NKAIN2: variants seen among roughly 807,000 people sequenced by gnomAD.
NKAIN2 encodes sodium/potassium-transporting ATPase subunit beta-1-interacting protein 2.
A neutral mutation model predicts 32.6 loss-of-function variants in NKAIN2; 14 were observed. The observed-to-expected ratio is 0.43, with a 90% CI of 0.28 to 0.67. The LOEUF (loss-of-function observed/expected upper bound fraction) is 0.67. Ranked by LOEUF, NKAIN2 falls within the 30% of genes least tolerant of loss-of-function variation. The pLI, the probability that NKAIN2 is intolerant of heterozygous loss-of-function variation, is 0.17. For synonymous variants in NKAIN2, 80 were observed against 87.2 expected, an observed-to-expected ratio of 0.92 and a Z score of 0.46; for missense variants, 198 against 258.3, an observed-to-expected ratio of 0.77 and a Z score of 1.60.
chr6:123,856,070 T>C (rs1775543750), intron 1 of NKAIN2, among the ~76,000 whole-genome samples: 1 of 152,238 alleles, frequency 6.6e-6, no homozygotes, highest in African/African-American at 2.4e-5. Flanking sequence ...GCCTATATCC[T>C]TGATTTCTTT....
At chr6:124,133,750 A>T (rs887360639) in intron 1 of NKAIN2, among the ~76,000 whole-genome samples, 1 of 152,078 alleles carries the variant, frequency 6.6e-6, no homozygotes, top group African/African-American at 2.4e-5. Flanking sequence ...AGCACAGAAG[A>T]CTCTATAACT....
intron 1 of NKAIN2, among the ~76,000 whole-genome samples, chr6:124,061,331 TA>T (rs959575548): frequency 3.3e-5 from 5 of 152,288 alleles, no homozygotes; most frequent in African/African-American, 1.2e-4. Flanking sequence ...TGTTATTATA[TA>T]ATCTTTTTTA....
intron 1 of NKAIN2, among the ~76,000 whole-genome samples, chr6:123,924,992 T>A (rs1216169955): frequency 6.6e-6 from 1 of 152,112 alleles, no homozygotes. Context: ...ATTTTATAAT[T>A]GAAAAAATAT....
Position 124,730,004 on chromosome 6 carries a change from C to G in NKAIN2, c.475-61335C>G, listed in dbSNP as rs1265937234. 4.5e-4 allele frequency among the ~76,000 whole-genome samples: 64 copies of G among 140,890 alleles called. 1 individual carries two copies. The East Asian group carries it at 8.8e-3, about 19-fold the overall frequency. 92.4% of individuals were successfully genotyped at this position (140,890 alleles called of 152,430 possible). A position where few individuals can be genotyped will look rare whatever the true frequency, so the allele number is the denominator to read the frequency against. The stretch of plus-strand genomic sequence containing the variant: ...ATACCTAGGAATCCAACTTACAAGG[C>G]ATGTGAAGGACCTCTTCAAGGAGAA... On this transcript the variant is annotated intron_variant, in intron 4 of 6. Coordinates refer to ENST00000368417, the MANE Select transcript of NKAIN2 (RefSeq NM_001040214.3).
intron 1 of NKAIN2, among the ~76,000 whole-genome samples, chr6:124,023,566 T>C (rs1217046158): frequency 6.6e-6 from 1 of 152,226 alleles, no homozygotes; most frequent in South Asian, 2.1e-4. Context: ...AACTCATTGA[T>C]GTTTATAAAC....
intron 2 of NKAIN2, among the ~76,000 whole-genome samples, chr6:124,298,794 T>G (rs1038049187): frequency 3.3e-5 from 5 of 152,128 alleles, no homozygotes; most frequent in African/African-American, 1.2e-4. Context: ...ATGCTATCAT[T>G]AAACCACTTT....
intron 1 of NKAIN2, among the ~76,000 whole-genome samples, chr6:123,902,500 T>A (rs1401978971): frequency 2.6e-5 from 4 of 152,178 alleles, no homozygotes; most frequent in African/African-American, 9.7e-5. Context: ...TCATATTAAA[T>A]GTTATCCAGA....
At chr6:124,816,199 A>G (rs1781156803) in intron 5 of NKAIN2, among the ~76,000 whole-genome samples, 1 of 152,176 alleles carries the variant, frequency 6.6e-6, no homozygotes, top group South Asian at 2.1e-4. Context: ...GCTACATGCT[A>G]TATGAGTCCA....
chr6:123,868,428 C>T (rs1049759037), intron 1 of NKAIN2, among the ~76,000 whole-genome samples: 4 of 152,192 alleles, frequency 2.6e-5, no homozygotes, highest in South Asian at 2.1e-4. Context: ...AGTTTTTGTA[C>T]GTATTAATTG....
intron 3 of NKAIN2, among the ~76,000 whole-genome samples, chr6:124,602,814 C>T (rs935689807): frequency 7.9e-5 from 12 of 151,886 alleles, no homozygotes; most frequent in African/African-American, 2.2e-4. Context: ...GTAGAACTTT[C>T]GTTTTCCACA....
intron 4 of NKAIN2, among the ~76,000 whole-genome samples, chr6:124,782,931 A>G (rs943665986): frequency 2.6e-5 from 4 of 152,054 alleles, no homozygotes; most frequent in African/African-American, 9.7e-5. Context: ...ACATTTCCCA[A>G]TTATTTTCAA....
chr6:124,250,035 C>G (rs908482693), intron 1 of NKAIN2, among the ~76,000 whole-genome samples: 6 of 152,032 alleles, frequency 3.9e-5, no homozygotes, highest in African/African-American at 1.4e-4. Context: ...TGGAAGTGAA[C>G]CTTTGGAAGG....
chr6:124,109,056 G>A (rs1396396163), intron 1 of NKAIN2, among the ~76,000 whole-genome samples: 1 of 151,900 alleles, frequency 6.6e-6, no homozygotes, highest in Non-Finnish European at 1.5e-5. Context: ...TGGGTTTCTA[G>A]TGAATTTTAG....
At chr6:124,243,744 C>T (rs1793235124) in intron 1 of NKAIN2, among the ~76,000 whole-genome samples, 1 of 152,086 alleles carries the variant, frequency 6.6e-6, no homozygotes, top group Non-Finnish European at 1.5e-5. Flanking sequence ...AATCCTAGAT[C>T]ATTGGATAAG....
chr6:124,422,666 A>G (rs150104437), intron 3 of NKAIN2, among the ~76,000 whole-genome samples: 1 of 152,354 alleles, frequency 6.6e-6, no homozygotes, highest in Non-Finnish European at 1.5e-5. Flanking sequence ...CAAAACAACA[A>G]TTACAAAAAA....
At chr6:124,633,871 C>T (rs1783669793) in intron 3 of NKAIN2, among the ~76,000 whole-genome samples, 1 of 152,194 alleles carries the variant, frequency 6.6e-6, no homozygotes, top group African/African-American at 2.4e-5. Flanking sequence ...CACAACCATG[C>T]ATGTGCCTCA....
At chr6:124,220,246 C>T (rs1038699712) in intron 1 of NKAIN2, among the ~76,000 whole-genome samples, 1 of 151,974 alleles carries the variant, frequency 6.6e-6, no homozygotes, top group Non-Finnish European at 1.5e-5. Context: ...CTCACTATCT[C>T]TCCTGCCACC....
At chr6:124,551,965 G>T (rs1184182928) in intron 3 of NKAIN2, among the ~76,000 whole-genome samples, 1 of 152,172 alleles carries the variant, frequency 6.6e-6, no homozygotes, top group African/African-American at 2.4e-5. Context: ...AGTGGTTAAT[G>T]AAGTTGGTTT....
At chr6:124,280,684 C>T (rs1424658533) in intron 1 of NKAIN2, among the ~76,000 whole-genome samples, 1 of 152,164 alleles carries the variant, frequency 6.6e-6, no homozygotes, top group Non-Finnish European at 1.5e-5. Flanking sequence ...CCCAGGTCCA[C>T]TATACAGGCC....
Sources: gnomAD v4.1 joint callset for allele counts (sites outside exome capture counted in the v4.1 genomes callset) on GRCh38, gnomAD v4.1.1 for gene constraint, MANE v1.5 for transcripts, NCBI Gene and HGNC (gene_info 2026-07-23, HGNC 2026-07-21) for gene names.